INF2: variants seen among roughly 807,000 people sequenced by gnomAD.
The protein encoded by INF2 is inverted formin-2.
A neutral mutation model predicts 123.5 loss-of-function variants in INF2; 43 were observed. That is an observed-to-expected ratio of 0.35 (90% CI 0.27 to 0.45). INF2 has a LOEUF of 0.45. INF2 is among the 20% of genes least tolerant of loss of function. The pLI is 1.00. For missense variants in INF2, 1,453 were observed against 1,682.7 expected (o/e 0.86, Z 2.39); for synonymous variants, 851 against 745.0 (o/e 1.14, Z -2.32).
chr14:104,718,826 G>A lies in INF2; in HGVS notation c.*33G>A. 6.2e-7 allele frequency: 1 copy of A among 1,612,760 alleles called. No individual in the cohort carries two copies. The highest frequency in any genetic ancestry group is 8.5e-7 in the Non-Finnish European group (1 of 1,179,690). ...GGCCCAGGCCCAAGGCCAAGTGAGA[G>A]AGCCCAGGCCACAGGACATGCTGCC... On this transcript the variant is annotated 3_prime_UTR_variant, in exon 23 of 23. Transcript: ENST00000392634.
intron 16 of INF2, 136 bp from the exon 17 acceptor site, chr14:104,712,297 A>G (rs2140688812): frequency 7.5e-6 from 9 of 1,193,288 alleles, no homozygotes; most frequent in Non-Finnish European, 1.1e-5. Flanking sequence ...CAACCCCAAC[A>G]CTGCACGTGC....
At chr14:104,701,787 C>T (rs753597655) in intron 2 of INF2, 31 bp downstream of exon 2, 14 of 1,457,620 alleles carry the variant, frequency 9.6e-6, no homozygotes, top group Admixed American at 5.1e-5. Flanking sequence ...GCCGCCCAGG[C>T]GGACGCTGGG....
intron 5 of INF2, 58 bp downstream of exon 5, chr14:104,704,007 C>T: frequency 6.2e-7 from 1 of 1,603,502 alleles, no homozygotes; most frequent in Middle Eastern, 1.8e-4. Flanking sequence ...AGGCCAGGCC[C>T]ACCTGCCCTT....
In INF2 at chr14:104,707,706, T is replaced by A; in HGVS notation, c.1439T>A (p.Leu480Gln). 6.6e-6 allele frequency: 5 copies of A among 755,654 alleles called. No individual in the cohort carries two copies. The highest frequency in any genetic ancestry group is 7.2e-6 in the Non-Finnish European group (4 of 559,436). 46.8% of individuals were successfully genotyped at this position (755,654 alleles called of 1,614,324 possible). The change falls in exon 8 of 23, where the codon CTG (leucine) becomes CAG (glutamine). Residue 480 changes from leucine to glutamine, a missense_variant. Around this residue, in one of 8 missense-constraint regions of INF2, gnomAD observed 374 missense variants for 303.7 expected, o/e 1.23. Coordinates refer to ENST00000392634, the MANE Select transcript of INF2 (RefSeq NM_022489.4). ...CCAGCACCTCCTCTACCACCACCCCTGCCAGGCTCCTGTGAGTTCCTGCCC... is the reference window on the plus strand; with the variant it reads ...CCAGCACCTCCTCTACCACCACCCCAGCCAGGCTCCTGTGAGTTCCTGCCC... ...APPAPPLPPP[L>Q]PGSCEFLPPP...
intron 1 of INF2, among the ~76,000 whole-genome samples, chr14:104,695,452 C>T (rs1161501243): frequency 2.0e-5 from 3 of 152,102 alleles, no homozygotes; most frequent in Middle Eastern, 3.2e-3. Context: ...AAGGCCCATT[C>T]GGTGACTGGC....
At chr14:104,701,808 G>C (rs1889520323) in intron 2 of INF2, 52 bp downstream of exon 2, 1 of 1,440,330 alleles carries the variant, frequency 6.9e-7, no homozygotes, top group African/African-American at 1.4e-5. Context: ...GACCTGGTAT[G>C]AGGCTTCAGG....
intron 1 of INF2, 120 bp from the exon 2 acceptor site, chr14:104,701,237 C>A: frequency 8.7e-7 from 1 of 1,149,716 alleles, no homozygotes; most frequent in Non-Finnish European, 1.2e-6. Flanking sequence ...CAGCATGGCA[C>A]GTGAGCAGGA....
intron 8 of INF2, 151 bp downstream of exon 8, chr14:104,708,153 G>C: frequency 2.3e-5 from 29 of 1,269,150 alleles, no homozygotes; most frequent in Non-Finnish European, 2.9e-5. Flanking sequence ...CTCGGCGCCT[G>C]TGGTTGAGGT....
chr14:104,716,597 C>T lies in INF2; in HGVS notation c.*1+1257C>T, dbSNP rs567761219. Among the ~76,000 whole-genome samples, 25 of 152,386 alleles carry T rather than the reference C, an allele frequency of 1.6e-4. No individual in the cohort carries two copies. The South Asian group carries it at 5.0e-3, about 30-fold the overall frequency. On this transcript the variant is annotated intron_variant, in intron 22 of 22. Transcript: ENST00000392634. The stretch of plus-strand genomic sequence containing the variant: ...ACGCTCCACCTGGTTCCCTCCTGAA[C>T]CTGCTACACGTGCTTAGCCTCCACC...
At chr14:104,690,348 A>T (rs985563944) in intron 1 of INF2, 1 of 152,386 alleles carries the variant, frequency 6.6e-6, no homozygotes, top group African/African-American at 2.4e-5. Context: ...CTAACTGGGG[A>T]GTCGCCCCAG....
At chr14:104,685,506 G>A (rs575300173), upstream of INF2, among the ~76,000 whole-genome samples, 2 of 151,122 alleles carry the variant, frequency 1.3e-5, no homozygotes, top group African/African-American at 2.4e-5. Flanking sequence ...GGGGGCGGTC[G>A]TGTCCTTGTC....
intron 1 of INF2, among the ~76,000 whole-genome samples, chr14:104,682,295 G>A (rs4983525): frequency 6.6e-6 from 1 of 151,824 alleles, no homozygotes; most frequent in Admixed American, 6.5e-5. Context: ...GGGCTTTAGC[G>A]GGGAAGTGCT....
At chr14:104,706,701 G>T (rs1889795405) in intron 6 of INF2, among the ~76,000 whole-genome samples, 1 of 152,170 alleles carries the variant, frequency 6.6e-6, no homozygotes, top group Non-Finnish European at 1.5e-5. Flanking sequence ...GCATTGAGTA[G>T]GTAGAGACCA....
In INF2 at chr14:104,707,377, C is replaced by A. The variant is rs2140667246; in HGVS notation, c.1110C>A (p.Gly370=). ...CCAACCTAGACCAGAGCCAGAGGGG[C>A]AGCTCCCCGCAAAACACTACAACCC... is the stretch of plus-strand genomic sequence containing the variant. ...VQANLDQSQR[G]SSPQNTTTPK... Residue 370 remains glycine, a synonymous_variant, in exon 8 of 23, where the codon GGC becomes GGA. Coordinates refer to ENST00000392634, the MANE Select transcript of INF2 (RefSeq NM_022489.4). The A allele has an allele frequency of 6.3e-7, 1 of 1,592,894 alleles. No homozygotes were observed. The highest frequency in any genetic ancestry group is 8.5e-7 in the Non-Finnish European group (1 of 1,171,032).
intron 20 of INF2, 128 bp downstream of exon 20, chr14:104,713,734 G>A: frequency 9.5e-7 from 1 of 1,052,340 alleles, no homozygotes; most frequent in Non-Finnish European, 1.4e-6. Context: ...AGGCCCCTAA[G>A]ACTGGGGACA....
At chr14:104,702,084 A>G (rs138048043) in intron 2 of INF2, among the ~76,000 whole-genome samples, 2,208 of 150,838 alleles carry the variant, frequency 0.015, 39 homozygotes, top group South Asian at 0.051. Context: ...CCTCGTCCAC[A>G]CCTCGGCGGC....
In INF2 at chr14:104,711,761, G is replaced by C. The variant is rs4983532; in HGVS notation, c.2489+62G>C. The C allele has an allele frequency of 0.57, 859,432 of 1,517,040 alleles. 246,965 individuals carry two copies. The highest frequency in any genetic ancestry group is 0.91 in the East Asian group (39,310 of 43,318). 94.0% of individuals were successfully genotyped at this position (1,517,040 alleles called of 1,614,324 possible). On this transcript the variant is annotated intron_variant, in intron 16 of 22. Transcript: ENST00000392634. ...GTGGGGGCCTGACTTCTGTCCCCAG[G>C]CAGTGAGGTGGCTGCCCGCCAGGGC...
intron 5 of INF2, chr14:104,704,456 G>A (rs911226774): frequency 2.0e-5 from 4 of 198,332 alleles, no homozygotes; most frequent in South Asian, 2.1e-4. Flanking sequence ...TATTGGAACC[G>A]GGCCACGCAG....
chr14:104,712,695 C>T, intron 17 of INF2, 133 bp from the exon 18 acceptor site: 1 of 1,480,468 alleles, frequency 6.8e-7, no homozygotes, highest in South Asian at 1.3e-5. Flanking sequence ...GGGCACAGGC[C>T]CCTGCTCCTT....
Sources: allele counts gnomAD v4.1 joint callset (sites outside exome capture counted in the v4.1 genomes callset), GRCh38; gene constraint gnomAD v4.1.1; regional missense constraint gnomAD v4.1.1; transcripts MANE v1.5; gene names NCBI Gene and HGNC (gene_info 2026-07-23, HGNC 2026-07-21).